SHPRH: variants seen among roughly 807,000 people sequenced by gnomAD.
The protein encoded by SHPRH is E3 ubiquitin-protein ligase SHPRH.
In SHPRH, 106 loss-of-function variants were observed where a neutral mutation model predicts 202.5. The ratio of observed to expected loss-of-function variants is 0.52; its 90% CI spans 0.45 to 0.62. SHPRH has a LOEUF of 0.62. Ranked by LOEUF, SHPRH falls within the 20% of genes least tolerant of loss-of-function variation. SHPRH has a pLI of 0.00. For missense variants in SHPRH, 1,710 were observed against 2,020.0 expected (o/e 0.85, Z 2.94); for synonymous variants, 729 against 686.0 (o/e 1.06, Z -0.98).
intron 13 of SHPRH, among the ~76,000 whole-genome samples, chr6:145,934,600 T>C (rs1257100175): frequency 6.6e-6 from 1 of 150,706 alleles, no homozygotes; most frequent in Non-Finnish European, 1.5e-5. Flanking sequence ...AATTTGAGGC[T>C]GCCACTGTGA....
At chr6:145,953,683 A>AT (rs1429079561) in intron 2 of SHPRH, among the ~76,000 whole-genome samples, 2 of 152,174 alleles carry the variant, frequency 1.3e-5, no homozygotes, top group African/African-American at 2.4e-5. Flanking sequence ...GCATAAAAGC[A>AT]TATTAACTTG....
Position 145,943,768 on chromosome 6 carries a change from G to A in SHPRH, c.1613C>T (p.Thr538Ile), listed in dbSNP as rs753864784. ...VGSPRKIQKE[T>I]RKSGNKDTDS... ...TGTGTCCTTGTTCCCTGATTTTCTAGTTTCTTTCTGAATTTTCCTTGGACT... is the reference window on the plus strand; with the variant it reads ...TGTGTCCTTGTTCCCTGATTTTCTAATTTCTTTCTGAATTTTCCTTGGACT... Residue 538 changes from threonine (T) to isoleucine (I), a missense_variant, in exon 9 of 30, where the codon ACT becomes ATT. Physicochemically the swap from Thr to Ile is moderately conservative, Grantham distance 89 (BLOSUM62 -1). This residue lies in a region of SHPRH where 348 missense variants were observed against 356.9 expected (regional missense o/e 0.97). Coordinates refer to ENST00000275233, the MANE Select transcript of SHPRH (RefSeq NM_001042683.3). 4.0e-5 allele frequency: 64 copies of A among 1,588,814 alleles called. No homozygotes were observed. Among genetic ancestry groups the A allele is most frequent in the Non-Finnish European group, 5.2e-5 (61 of 1,172,442 alleles).
intron 11 of SHPRH, among the ~76,000 whole-genome samples, chr6:145,938,401 T>C (rs937417557): frequency 6.6e-6 from 1 of 152,178 alleles, no homozygotes; most frequent in African/African-American, 2.4e-5. Context: ...TTTGTAGTTA[T>C]CCAGTCTGTG....
At chr6:145,945,857 C>G (rs747515676) in intron 7 of SHPRH, among the ~76,000 whole-genome samples, 42 of 152,104 alleles carry the variant, frequency 2.8e-4, no homozygotes, top group Non-Finnish European at 4.0e-4. Flanking sequence ...AAGAATTACT[C>G]ATATTGAATT....
intron 14 of SHPRH, among the ~76,000 whole-genome samples, chr6:145,932,653 CA>C (rs1785596060): frequency 6.6e-6 from 1 of 152,118 alleles, no homozygotes; most frequent in African/African-American, 2.4e-5. Context: ...AATGATCCCA[CA>C]AACTATTATT....
At position 145,963,963 on chromosome 6, in the gene SHPRH, G is replaced by A. The variant is rs1407444971; in HGVS notation, c.-265C>T. 6.6e-6 allele frequency: 1 copy of A among 152,360 alleles called. No homozygotes were observed. Among genetic ancestry groups the A allele is most frequent in the Non-Finnish European group, 1.5e-5 (1 of 68,150 alleles). The allele number at this position is 152,360 out of a possible 1,614,324, so 9.4% of individuals were successfully genotyped here. A position where few individuals can be genotyped will look rare whatever the true frequency, so the allele number is the denominator to read the frequency against. On this transcript the variant is annotated 5_prime_UTR_variant, in exon 1 of 30. Coordinates refer to ENST00000275233, the MANE Select transcript of SHPRH (RefSeq NM_001042683.3). ...CCCCACTTTATCCCCGGAGGGACGTGGTGGTCCGAAGTTCGCTAGTCCGGG... is the reference window on the plus strand; with the variant it reads ...CCCCACTTTATCCCCGGAGGGACGTAGTGGTCCGAAGTTCGCTAGTCCGGG...
chr6:145,935,042 A>G lies in SHPRH; in HGVS notation c.2855T>C (p.Ile952Thr). The change falls in exon 13 of 30, where the codon ATT becomes ACT. Residue 952 changes from isoleucine to threonine, a missense_variant. By Grantham distance (89) the Ile-to-Thr change is moderately conservative (BLOSUM62 -1). This residue lies in a region of SHPRH where 277 missense variants were observed against 363.0 expected (regional missense o/e 0.76). Transcript: ENST00000275233. Reference protein sequence around the residue: ...CQDVVVKLRKISDWALKLSSL... With the variant: ...CQDVVVKLRKTSDWALKLSSL... ...GCTGAGCTTCAGAGCCCAGTCAGAA[A>G]TCTTCCTGAGTTTTACCACCACATC... 2 of 1,614,010 alleles carry G rather than the reference A, an allele frequency of 1.2e-6. No individual in the cohort carries two copies. The highest frequency in any genetic ancestry group is 1.7e-6 in the Non-Finnish European group (2 of 1,179,996).
chr6:145,939,116 T>C (rs1176025393), intron 11 of SHPRH, among the ~76,000 whole-genome samples: 4 of 152,038 alleles, frequency 2.6e-5, no homozygotes. Context: ...CATGTCCAAA[T>C]ACAACAGAGT....
intron 14 of SHPRH, among the ~76,000 whole-genome samples, chr6:145,928,924 T>C (rs1322465467): frequency 6.6e-6 from 1 of 151,996 alleles, no homozygotes; most frequent in Non-Finnish European, 1.5e-5. Context: ...TCACAGTGAG[T>C]TCTCTTTTTT....
In SHPRH at chr6:145,886,362, A is replaced by T; in HGVS notation, c.*329T>A. 1.6e-6 allele frequency: 1 copy of T among 638,244 alleles called. No individual in the cohort carries two copies. Among genetic ancestry groups the T allele is most frequent in the Non-Finnish European group, 2.8e-6 (1 of 351,666 alleles). 39.5% of individuals were successfully genotyped at this position (638,244 alleles called of 1,614,324 possible). On this transcript the variant is annotated 3_prime_UTR_variant, in exon 30 of 30. Transcript: ENST00000275233. ...CTAGACTAGTTTACTTTCTTATTCC[A>T]ACTGTTTTATGAGTGATCTTATCAT...
At chr6:145,943,109 T>C (rs1224382441) in intron 9 of SHPRH, 34 bp downstream of exon 9, 3 of 1,523,748 alleles carry the variant, frequency 2.0e-6, no homozygotes, top group Non-Finnish European at 2.6e-6. Flanking sequence ...AAACTTTACA[T>C]TTTCCTCTCC....
chr6:145,910,209 T>G, intron 25 of SHPRH: 1 of 403,980 alleles, frequency 2.5e-6, no homozygotes, highest in Non-Finnish European at 4.5e-6. Flanking sequence ...AGATGTTACA[T>G]TTTAGTCACA....
At chr6:145,927,653 T>C (rs560976172) in intron 14 of SHPRH, among the ~76,000 whole-genome samples, 8 of 151,986 alleles carry the variant, frequency 5.3e-5, no homozygotes, top group South Asian at 2.1e-4. Context: ...ATTATGATGT[T>C]TGAAATTAAG....
rs1158205481 is a variant in SHPRH at position 145,948,493 on chromosome 6, A to G, written c.983-143T>C. ...TGTGAAATCTCATTCTGGAAAAGCCACATACTTAACACATGAGTAAAAAGC... is the reference window on the plus strand; with the variant it reads ...TGTGAAATCTCATTCTGGAAAAGCCGCATACTTAACACATGAGTAAAAAGC... On this transcript the variant is annotated intron_variant, in intron 4 of 29. Transcript: ENST00000275233. 2.0e-5 allele frequency: 11 copies of G among 536,806 alleles called. No individual in the cohort carries two copies. In the East Asian group the frequency reaches 2.2e-4, roughly 11 times the overall value. 33.3% of individuals were successfully genotyped at this position (536,806 alleles called of 1,614,324 possible).
At chr6:145,940,026 T>C (rs1786574472) in intron 11 of SHPRH, among the ~76,000 whole-genome samples, 1 of 152,156 alleles carries the variant, frequency 6.6e-6, no homozygotes, top group African/African-American at 2.4e-5. Flanking sequence ...AAACAAGATT[T>C]AAACTTTTCA....
At chr6:145,926,039 C>T (rs1020738848) in intron 16 of SHPRH, among the ~76,000 whole-genome samples, 165 bp downstream of exon 16, 1 of 151,944 alleles carries the variant, frequency 6.6e-6, no homozygotes, top group South Asian at 2.1e-4. Flanking sequence ...CGTACTGCTG[C>T]CATTCTCTGC....
Position 145,923,929 on chromosome 6 carries a change from T to C in SHPRH, c.3403-144A>G, listed in dbSNP as rs140968128. On this transcript the variant is annotated intron_variant, in intron 17 of 29. Transcript: ENST00000275233. Reference sequence around the variant, plus strand: ...GACTATCACAGAGGGGAGACGAGTATACATATTCCATGTACAATGCTCGCT... The same window carrying C: ...GACTATCACAGAGGGGAGACGAGTACACATATTCCATGTACAATGCTCGCT... 289 of 717,372 alleles carry C rather than the reference T, an allele frequency of 4.0e-4. No homozygotes were observed. In the African/African-American group the frequency reaches 4.5e-3, roughly 11 times the overall value. 44.4% of individuals were successfully genotyped at this position (717,372 alleles called of 1,614,324 possible). A position where few individuals can be genotyped will look rare whatever the true frequency, so the allele number is the denominator to read the frequency against.
intron 2 of SHPRH, among the ~76,000 whole-genome samples, chr6:145,876,343 C>T (rs1780302698): frequency 6.6e-6 from 1 of 152,080 alleles, no homozygotes; most frequent in Non-Finnish European, 1.5e-5. Context: ...TACTGCACTC[C>T]CATCTGGGTG....
chr6:145,894,761 C>G (rs997020585), intron 26 of SHPRH, 124 bp downstream of exon 26: 2 of 719,648 alleles, frequency 2.8e-6, no homozygotes, highest in Non-Finnish European at 4.4e-6. Flanking sequence ...AAAAATAATT[C>G]TATCTTATGG....
Sources: gnomAD v4.1 joint callset for allele counts (sites outside exome capture counted in the v4.1 genomes callset) on GRCh38, gnomAD v4.1.1 for gene constraint, gnomAD v4.1.1 regional missense constraint, MANE v1.5 for transcripts, NCBI Gene and HGNC (gene_info 2026-07-23, HGNC 2026-07-21) for gene names.